The following SNRNP40 variants were observed in gnomAD, a reference collection of about 807,000 sequenced individuals.
The protein encoded by SNRNP40 is small nuclear ribonucleoprotein U5 subunit 40.
SNRNP40 carries 21 observed loss-of-function variants against 45.8 expected under a neutral mutation model. The observed-to-expected ratio is 0.46, with a 90% CI of 0.32 to 0.66. The LOEUF (loss-of-function observed/expected upper bound fraction) is 0.66, where lower values mean the gene tolerates loss of function less well. Among genes scored for constraint, SNRNP40 ranks in the 30% least tolerant of loss-of-function variants. The pLI, the probability that SNRNP40 is intolerant of heterozygous loss-of-function variation, is 0.03. For synonymous variants in SNRNP40, 142 were observed against 163.8 expected, an observed-to-expected ratio of 0.87 and a Z score of 1.01; for missense variants, 344 against 439.1, an observed-to-expected ratio of 0.78 and a Z score of 1.94.
intron 7 of SNRNP40, among the ~76,000 whole-genome samples, chr1:31,268,630 T>C (rs1012230555): frequency 1.3e-5 from 2 of 152,002 alleles, no homozygotes; most frequent in Non-Finnish European, 2.9e-5. Flanking sequence ...AAAAAAAAAA[T>C]CTCTATTAAC....
At chr1:31,272,260 T>C (rs1645943964) in intron 5 of SNRNP40, among the ~76,000 whole-genome samples, 1 of 152,176 alleles carries the variant, frequency 6.6e-6, no homozygotes, top group South Asian at 2.1e-4. Context: ...AATAAATGTA[T>C]ATATATGTAC....
intron 3 of SNRNP40, 120 bp downstream of exon 3, chr1:31,291,793 T>C: frequency 1.5e-6 from 1 of 676,644 alleles, no homozygotes; most frequent in Non-Finnish European, 2.7e-6. Context: ...AATCGGATAC[T>C]AAAGTAGCTA....
Position 31,284,944 on chromosome 1 carries a change from T to C in SNRNP40, c.532-3448A>G, listed in dbSNP as rs142190008. Among the ~76,000 whole-genome samples the C allele has an allele frequency of 9.9e-5, 15 of 152,284 alleles. 1 individual carries two copies. The highest frequency in any genetic ancestry group is 3.6e-4 in the African/African-American group (15 of 41,566). On this transcript the variant is annotated intron_variant, in intron 4 of 9. Transcript: ENST00000263694. The stretch of plus-strand genomic sequence containing the variant: ...GTTACAGAATCAAGTCCAAACTTCT[T>C]AACCTGGAATTCAAGGCCTTAATAA...
chr1:31,275,783 G>A (rs1275939055), intron 5 of SNRNP40, among the ~76,000 whole-genome samples: 1 of 152,138 alleles, frequency 6.6e-6, no homozygotes, highest in Non-Finnish European at 1.5e-5. Context: ...TTATACAAGA[G>A]CAAAAATAAA....
chr1:31,267,535 A>G (rs1372326050), intron 8 of SNRNP40, among the ~76,000 whole-genome samples: 3 of 151,722 alleles, frequency 2.0e-5, no homozygotes, highest in East Asian at 3.9e-4. Context: ...TAGCTATATC[A>G]TTGTTTTTTT....
At chr1:31,275,397 AT>A (rs202236065) in intron 5 of SNRNP40, among the ~76,000 whole-genome samples, 1 of 148,608 alleles carries the variant, frequency 6.7e-6, no homozygotes, top group Admixed American at 6.8e-5. Context: ...ACAACAGGGT[AT>A]TTTTTTTTCT....
At chr1:31,288,667 CT>C (rs1553167231) in intron 4 of SNRNP40, among the ~76,000 whole-genome samples, 19 of 117,166 alleles carry the variant, frequency 1.6e-4, no homozygotes, top group African/African-American at 6.2e-4. Context: ...TCAGAACAGC[CT>C]TTTTTTTTTT....
chr1:31,270,246 A>C (rs1645928616), intron 6 of SNRNP40, among the ~76,000 whole-genome samples: 2 of 152,226 alleles, frequency 1.3e-5, no homozygotes, highest in African/African-American at 4.8e-5. Flanking sequence ...AAGAATTTGT[A>C]ATTGTATTAT....
intron 5 of SNRNP40, among the ~76,000 whole-genome samples, chr1:31,276,808 G>A (rs571404973): frequency 3.9e-5 from 6 of 152,240 alleles, no homozygotes; most frequent in South Asian, 2.1e-4. Flanking sequence ...TGAGGTGGGC[G>A]GATCACCTGA....
intron 4 of SNRNP40, 85 bp downstream of exon 4, chr1:31,289,169 A>C: frequency 7.9e-7 from 1 of 1,269,376 alleles, no homozygotes; most frequent in Admixed American, 2.3e-5. Context: ...AGTTTTGCAC[A>C]GGAAGCTAGA....
chr1:31,288,801 C>T (rs1194286935), intron 4 of SNRNP40, among the ~76,000 whole-genome samples: 1 of 151,878 alleles, frequency 6.6e-6, no homozygotes, highest in Non-Finnish European at 1.5e-5. Context: ...TGCAGTGGTG[C>T]AATCTCTGCA....
intron 6 of SNRNP40, chr1:31,269,545 A>G (rs1645923039): frequency 2.0e-6 from 1 of 502,712 alleles, no homozygotes; most frequent in Non-Finnish European, 3.2e-6. Context: ...ATATTTTGCA[A>G]GATTTCTCTG....
At chr1:31,277,402 ATC>A (rs1249246993) in intron 5 of SNRNP40, among the ~76,000 whole-genome samples, 1 of 152,208 alleles carries the variant, frequency 6.6e-6, no homozygotes, top group Non-Finnish European at 1.5e-5. Context: ...TTATTACTAA[ATC>A]TATTTTAATT....
intron 7 of SNRNP40, among the ~76,000 whole-genome samples, chr1:31,268,314 G>A (rs1569638500): frequency 7.1e-6 from 1 of 141,528 alleles, no homozygotes; most frequent in Admixed American, 7.5e-5. Context: ...ACAGGGTCTC[G>A]CTCTCTTGTC....
chr1:31,269,775 G>A (rs1645924142), intron 6 of SNRNP40: 1 of 157,762 alleles, frequency 6.3e-6, no homozygotes, highest in Non-Finnish European at 1.4e-5. Flanking sequence ...ATCAGAAAAA[G>A]TAAACATTGA....
intron 8 of SNRNP40, among the ~76,000 whole-genome samples, chr1:31,264,891 AGG>A (rs1474502769): frequency 6.6e-6 from 1 of 152,192 alleles, no homozygotes; most frequent in Non-Finnish European, 1.5e-5. Flanking sequence ...CAGATCTCCA[AGG>A]GTTTACACTT....
intron 1 of SNRNP40, 35 bp downstream of exon 1, chr1:31,296,576 G>A: frequency 6.3e-7 from 1 of 1,586,244 alleles, no homozygotes; most frequent in South Asian, 1.1e-5. Flanking sequence ...AGGAAGATGA[G>A]CTGAGGGCCA....
At chr1:31,296,555 G>C in intron 1 of SNRNP40, 56 bp downstream of exon 1, 1 of 1,557,166 alleles carries the variant, frequency 6.4e-7, no homozygotes, top group Non-Finnish European at 8.7e-7. Context: ...CAGATACAGC[G>C]CTCTGAGGGG....
Position 31,296,669 on chromosome 1 carries a change from G to C in SNRNP40, c.83C>G (p.Ala28Gly). The change falls in exon 1 of 10, where the codon GCG (alanine) becomes GGG (glycine). Residue 28 changes from alanine to glycine, a missense_variant. By Grantham distance (60) the Ala-to-Gly change is moderately conservative. Coordinates refer to ENST00000263694, the MANE Select transcript of SNRNP40 (RefSeq NM_004814.3). Reference protein sequence around the residue: ...KRQRHELLLGAGSGPGAGQQQ... With the variant: ...KRQRHELLLGGGSGPGAGQQQ... ...CTGCCCGGCTCCTGGGCCAGACCCCGCTCCCAACAGCAACTCATGCCGCTG... is the reference window on the plus strand; with the variant it reads ...CTGCCCGGCTCCTGGGCCAGACCCCCCTCCCAACAGCAACTCATGCCGCTG... The C allele has an allele frequency of 6.2e-7, 1 of 1,613,846 alleles. No homozygotes were observed. The highest frequency in any genetic ancestry group is 1.1e-5 in the South Asian group (1 of 91,060).
Sources: allele counts gnomAD v4.1 joint callset (sites outside exome capture counted in the v4.1 genomes callset), GRCh38; gene constraint gnomAD v4.1.1; transcripts MANE v1.5; gene names NCBI Gene and HGNC (gene_info 2026-07-23, HGNC 2026-07-21).